Variants in CRK observed in about 807,000 individuals in gnomAD.
CRK encodes adapter molecule crk.
In CRK, 4 loss-of-function variants were observed where a neutral mutation model predicts 29.8. That is an observed-to-expected ratio of 0.13 (90% CI 0.07 to 0.31). CRK has a LOEUF of 0.31. Among genes scored for constraint, CRK ranks in the 10% least tolerant of loss-of-function variants. The probability of loss-of-function intolerance (pLI) is 1.00; values close to 1 mark genes in which losing one functional copy is unlikely to be tolerated. For missense variants in CRK, 274 were observed against 396.5 expected, an observed-to-expected ratio of 0.69 and a Z score of 2.62; for synonymous variants, 153 against 164.9, an observed-to-expected ratio of 0.93 and a Z score of 0.55.
rs2073723080 is a variant in CRK, at chr17:1,421,396, T to A, written c.*2117A>T. 1 of 152,224 alleles carries A rather than the reference T, an allele frequency of 6.6e-6. No individual in the cohort carries two copies. Among genetic ancestry groups the A allele is most frequent in the African/African-American group, 2.4e-5 (1 of 41,460 alleles). The allele number at this position is 152,224 out of a possible 1,614,324, so 9.4% of individuals were successfully genotyped here. On this transcript the variant is annotated 3_prime_UTR_variant, in exon 3 of 3. Coordinates refer to ENST00000300574, the MANE Select transcript of CRK (RefSeq NM_016823.4). ...CAAGATTTAATGTGTGTGTGGACTTTACAGTATCTACGTTCTAACTGAAAA... is the reference window on the plus strand; with the variant it reads ...CAAGATTTAATGTGTGTGTGGACTTAACAGTATCTACGTTCTAACTGAAAA...
chr17:1,426,693 G>A (rs889343444), intron 2 of CRK, among the ~76,000 whole-genome samples: 2 of 151,916 alleles, frequency 1.3e-5, no homozygotes, highest in African/African-American at 2.4e-5. Context: ...GTGAAACCCC[G>A]TCTCTACTAA....
chr17:1,446,835 C>T (rs1400928695), intron 1 of CRK, among the ~76,000 whole-genome samples: 6 of 151,898 alleles, frequency 4.0e-5, no homozygotes, highest in Non-Finnish European at 8.8e-5. Flanking sequence ...CCTCGTGATC[C>T]GCCCGCCTCG....
chr17:1,451,428 CACCAT>C (rs1440342434), intron 1 of CRK, among the ~76,000 whole-genome samples: 1 of 151,642 alleles, frequency 6.6e-6, no homozygotes, highest in Non-Finnish European at 1.5e-5. Flanking sequence ...AACAAGGTTT[CACCAT>C]GTTGGCCAGG....
intron 1 of CRK, among the ~76,000 whole-genome samples, chr17:1,443,980 G>A (rs1403421475): frequency 3.3e-5 from 5 of 151,248 alleles, no homozygotes; most frequent in Admixed American, 6.6e-5. Flanking sequence ...GATTACAGGC[G>A]TGAGCCACCC....
chr17:1,432,034 G>A (rs1242764160), intron 2 of CRK, among the ~76,000 whole-genome samples: 3 of 152,096 alleles, frequency 2.0e-5, no homozygotes, highest in East Asian at 1.9e-4. Flanking sequence ...TTTCCAAGAG[G>A]GAGACCTCAC....
At chr17:1,438,124 CTT>C (rs2073902687) in intron 1 of CRK, among the ~76,000 whole-genome samples, 2 of 152,038 alleles carry the variant, frequency 1.3e-5, no homozygotes, top group South Asian at 4.1e-4. Context: ...AAAACTATCT[CTT>C]GTTGTGGTTT....
chr17:1,430,298 T>C (rs537270530), intron 2 of CRK, among the ~76,000 whole-genome samples: 1 of 152,076 alleles, frequency 6.6e-6, no homozygotes, highest in South Asian at 2.1e-4. Context: ...TTCACCCACC[T>C]CGACCTCCCA....
At chr17:1,441,777 ACTGTGCCC>A (rs2150908572) in intron 1 of CRK, among the ~76,000 whole-genome samples, 1 of 152,140 alleles carries the variant, frequency 6.6e-6, no homozygotes, top group African/African-American at 2.4e-5. Flanking sequence ...GGCGTGAGCC[ACTGTGCCC>A]GGCCCTTCAC....
intron 2 of CRK, among the ~76,000 whole-genome samples, chr17:1,430,850 G>A (rs928462703): frequency 3.3e-5 from 5 of 151,412 alleles, no homozygotes; most frequent in African/African-American, 4.8e-5. Context: ...GGTGGATCAC[G>A]AGGTCAGCAG....
In CRK at chr17:1,429,924, C is replaced by CA. The variant is rs958667439; in HGVS notation, c.778-6275dup. Among the ~76,000 whole-genome samples, 1,104 of 127,574 alleles carry CA rather than the reference C, an allele frequency of 8.7e-3. 6 individuals are homozygous for CA. The highest frequency in any genetic ancestry group is 0.024 in the African/African-American group (837 of 34,508). The allele number at this position is 127,574 out of a possible 152,430, so 83.7% of individuals were successfully genotyped here. ...TGGGGAACAGAGCAAAGCCTGATCT[C>CA]AAAAAAAAAAAAGAGAAAAACAACC... On this transcript the variant is annotated intron_variant, in intron 2 of 2. Coordinates refer to ENST00000300574, the MANE Select transcript of CRK (RefSeq NM_016823.4).
chr17:1,439,813 A>C (rs1462582132), intron 1 of CRK, among the ~76,000 whole-genome samples: 1 of 152,196 alleles, frequency 6.6e-6, no homozygotes, highest in East Asian at 1.9e-4. Context: ...ACTGCACTCC[A>C]GCCTGGGCAA....
chr17:1,438,772 T>C (rs1210733107), intron 1 of CRK, among the ~76,000 whole-genome samples: 1 of 152,018 alleles, frequency 6.6e-6, no homozygotes, highest in East Asian at 1.9e-4. Flanking sequence ...TATGCTGAGA[T>C]TCTAAAACTC....
chr17:1,443,060 CCT>C (rs1209310055), intron 1 of CRK, among the ~76,000 whole-genome samples: 5 of 151,330 alleles, frequency 3.3e-5, no homozygotes, highest in East Asian at 1.9e-4. Flanking sequence ...CTCACTGCAA[CCT>C]CTCTCTCCTG....
At chr17:1,431,533 A>G (rs1367664677) in intron 2 of CRK, among the ~76,000 whole-genome samples, 2 of 152,002 alleles carry the variant, frequency 1.3e-5, no homozygotes, top group Non-Finnish European at 2.9e-5. Flanking sequence ...CATCCTGGCT[A>G]ACACAGTGAA....
rs538992884 is a variant in CRK, at chr17:1,421,755, G to T, written c.*1758C>A. Reference sequence around the variant, plus strand: ...ACTCGGACACCACAATCTGGTATAGGTTCAAAGAATGTAAATTTATCATTT... The same window carrying T: ...ACTCGGACACCACAATCTGGTATAGTTTCAAAGAATGTAAATTTATCATTT... On this transcript the variant is annotated 3_prime_UTR_variant, in exon 3 of 3. Transcript: ENST00000300574. 7.2e-4 allele frequency: 109 copies of T among 152,236 alleles called. No individual in the cohort carries two copies. The highest frequency in any genetic ancestry group is 2.6e-3 in the African/African-American group (106 of 41,546). 9.4% of individuals were successfully genotyped at this position (152,236 alleles called of 1,614,324 possible). A position where few individuals can be genotyped will look rare whatever the true frequency, so the allele number is the denominator to read the frequency against.
intron 1 of CRK, 130 bp from the exon 2 acceptor site, chr17:1,437,285 C>A (rs2073894108): frequency 1.0e-6 from 1 of 972,368 alleles, no homozygotes; most frequent in East Asian, 2.7e-5. Context: ...CTCCGGGGCT[C>A]AAGTGATCCT....
intron 2 of CRK, among the ~76,000 whole-genome samples, chr17:1,430,789 C>A (rs553133339): frequency 3.3e-5 from 5 of 151,186 alleles, no homozygotes; most frequent in African/African-American, 4.9e-5. Context: ...ACCCTATGGC[C>A]GGGCGCTGTG....
intron 1 of CRK, among the ~76,000 whole-genome samples, chr17:1,452,844 C>T (rs571635066): frequency 6.0e-5 from 9 of 151,000 alleles, no homozygotes; most frequent in Admixed American, 3.3e-4. Flanking sequence ...GTGGCTCACA[C>T]CTGCAGTTCC....
chr17:1,451,419 A>G (rs1459702505), intron 1 of CRK, among the ~76,000 whole-genome samples: 3 of 151,608 alleles, frequency 2.0e-5, no homozygotes, highest in African/African-American at 7.3e-5. Flanking sequence ...TTTAGTAGAA[A>G]CAAGGTTTCA....
Sources: gnomAD v4.1 joint callset for allele counts (sites outside exome capture counted in the v4.1 genomes callset) on GRCh38, gnomAD v4.1.1 for gene constraint, MANE v1.5 for transcripts, NCBI Gene and HGNC (gene_info 2026-07-23, HGNC 2026-07-21) for gene names.